Variants in SIPA1L3 observed in about 807,000 individuals in gnomAD.
SIPA1L3 encodes signal induced proliferation associated 1 like 3.
A neutral mutation model predicts 150.1 loss-of-function variants in SIPA1L3; 59 were observed. The ratio of observed to expected loss-of-function variants is 0.39; its 90% CI spans 0.32 to 0.49. SIPA1L3 has a LOEUF of 0.49. Among genes scored for constraint, SIPA1L3 ranks in the 20% least tolerant of loss-of-function variants. SIPA1L3 has a pLI of 0.86. For missense variants in SIPA1L3, 2,211 were observed against 2,489.5 expected (o/e 0.89, Z 2.38); for synonymous variants, 1,070 against 1,077.6 (o/e 0.99, Z 0.14).
At chr19:38,174,380 G>C (rs1972393971) in intron 15 of SIPA1L3, among the ~76,000 whole-genome samples, 1 of 152,150 alleles carries the variant, frequency 6.6e-6, no homozygotes, top group Non-Finnish European at 1.5e-5. Context: ...TTGGTCCAGG[G>C]TGAAGGCCAA....
In SIPA1L3 at chr19:37,983,131, C is replaced by T. The variant is rs371467485; in HGVS notation, c.-378-45958C>T. 1.6e-4 allele frequency among the ~76,000 whole-genome samples: 24 copies of T among 152,288 alleles called. No individual in the cohort carries two copies. In the East Asian group the frequency reaches 2.1e-3, roughly 13 times the overall value. On this transcript the variant is annotated intron_variant, in intron 1 of 21. Coordinates refer to ENST00000222345, the MANE Select transcript of SIPA1L3 (RefSeq NM_015073.3). ...GGCTGTGCAGTAGGTTTTAAAAACA[C>T]GTCTGAACAAATGAATAAATAAATG...
chr19:38,165,762 G>A (rs1203382812), intron 15 of SIPA1L3, among the ~76,000 whole-genome samples: 2 of 152,028 alleles, frequency 1.3e-5, no homozygotes, highest in Non-Finnish European at 2.9e-5. Flanking sequence ...GTGCATTGGT[G>A]TTTTTTTGTT....
At chr19:38,203,587 C>G (rs572981457) in intron 20 of SIPA1L3, 1 of 152,856 alleles carries the variant, frequency 6.5e-6, no homozygotes, top group South Asian at 2.1e-4. Context: ...CCTCCAAAGG[C>G]CACAGTGGGC....
chr19:38,204,607 G>A (rs1973167462), intron 21 of SIPA1L3, among the ~76,000 whole-genome samples: 1 of 152,012 alleles, frequency 6.6e-6, no homozygotes, highest in Non-Finnish European at 1.5e-5. Flanking sequence ...CTATTAAAAA[G>A]TACAATAATT....
intron 1 of SIPA1L3, among the ~76,000 whole-genome samples, chr19:37,909,687 T>C (rs970292030): frequency 6.6e-6 from 1 of 152,142 alleles, no homozygotes; most frequent in Non-Finnish European, 1.5e-5. Flanking sequence ...AAAGATCGGC[T>C]GAGTTGTTAA....
rs138460641 is a variant in SIPA1L3 at position 37,912,562 on chromosome 19, C to T, written c.-379+5204C>T. On this transcript the variant is annotated intron_variant, in intron 1 of 21. Transcript: ENST00000222345. ...CCACGCTGGAGTGCAGTGGCGTCATCATAGCTCACTGTAACCTTGAACTCC... is the reference window on the plus strand; with the variant it reads ...CCACGCTGGAGTGCAGTGGCGTCATTATAGCTCACTGTAACCTTGAACTCC... 2.2e-4 allele frequency among the ~76,000 whole-genome samples: 34 copies of T among 152,282 alleles called. No homozygotes were observed. In the East Asian group the frequency reaches 6.0e-3, roughly 27 times the overall value.
chr19:38,036,543 G>A (rs1276992248), intron 2 of SIPA1L3, among the ~76,000 whole-genome samples: 3 of 152,180 alleles, frequency 2.0e-5, no homozygotes, highest in Non-Finnish European at 4.4e-5. Flanking sequence ...CCCATTCCCC[G>A]CTTCTGTTCT....
At chr19:37,913,264 A>G (rs974522895) in intron 1 of SIPA1L3, among the ~76,000 whole-genome samples, 1 of 152,150 alleles carries the variant, frequency 6.6e-6, no homozygotes, top group Non-Finnish European at 1.5e-5. Flanking sequence ...TTGAGTTGAC[A>G]GATGTGTTGA....
chr19:38,206,024 C>A, intron 21 of SIPA1L3, 73 bp from the exon 22 acceptor site: 1 of 1,453,444 alleles, frequency 6.9e-7, no homozygotes. Context: ...GGCTCACAGG[C>A]CTCAGGGAGC....
chr19:37,938,331 C>T (rs1443334903), intron 1 of SIPA1L3, among the ~76,000 whole-genome samples: 1 of 152,154 alleles, frequency 6.6e-6, no homozygotes, highest in African/African-American at 2.4e-5. Flanking sequence ...CAGGTATGTA[C>T]TGGACATGAG....
intron 2 of SIPA1L3, among the ~76,000 whole-genome samples, chr19:38,066,596 C>CT (rs1969598979): frequency 6.6e-6 from 1 of 151,896 alleles, no homozygotes; most frequent in African/African-American, 2.4e-5. Flanking sequence ...GAGGCCAAGA[C>CT]GGGTGGATCA....
At chr19:37,946,014 G>A (rs905453910) in intron 1 of SIPA1L3, among the ~76,000 whole-genome samples, 1 of 152,096 alleles carries the variant, frequency 6.6e-6, no homozygotes, top group Non-Finnish European at 1.5e-5. Context: ...AATTAGCCTG[G>A]CGTGGTGGCA....
chr19:37,916,860 G>A (rs754508789), intron 1 of SIPA1L3, among the ~76,000 whole-genome samples: 7 of 151,846 alleles, frequency 4.6e-5, no homozygotes, highest in South Asian at 2.1e-4. Flanking sequence ...CTCGGGAGAC[G>A]GAGGCAGAGA....
At position 38,192,216 on chromosome 19, in the gene SIPA1L3, C is replaced by A; in HGVS notation, c.4502C>A (p.Ser1501Ter). 1 of 1,613,656 alleles carries A rather than the reference C, an allele frequency of 6.2e-7. No individual in the cohort carries two copies. Among genetic ancestry groups the A allele is most frequent in the South Asian group, 1.1e-5 (1 of 91,024 alleles). Reference protein sequence around the residue: ...RLRASLRDLRSPRKNYKSTIE... With the variant: ...RLRASLRDLR ...AGGGCATCCCTCCGAGACCTCCGGT[C>A]ACCACGGAAGAACTACAAATCCACC... Residue 1501 changes from serine (S) to a stop codon, truncating the protein, a stop_gained, in exon 17 of 22, where the codon TCA becomes TAA. Coordinates refer to ENST00000222345, the MANE Select transcript of SIPA1L3 (RefSeq NM_015073.3). LOFTEE classifies it high-confidence loss of function.
intron 1 of SIPA1L3, among the ~76,000 whole-genome samples, chr19:38,010,269 A>G (rs979378861): frequency 1.3e-5 from 2 of 152,058 alleles, no homozygotes; most frequent in African/African-American, 4.8e-5. Context: ...TGAGCTGGGC[A>G]TGTTGGCTCA....
chr19:38,194,361 A>C (rs1600198008), intron 18 of SIPA1L3, among the ~76,000 whole-genome samples: 1 of 137,198 alleles, frequency 7.3e-6, no homozygotes, highest in Non-Finnish European at 1.6e-5. Context: ...CCCCTTACCC[A>C]CCTCCTAACC....
At chr19:38,188,640 C>T (rs1049596133) in intron 16 of SIPA1L3, among the ~76,000 whole-genome samples, 6 of 152,020 alleles carry the variant, frequency 3.9e-5, no homozygotes, top group Middle Eastern at 3.4e-3. Context: ...GTAAGCCTCT[C>T]GGCCAGGCGC....
intron 12 of SIPA1L3, among the ~76,000 whole-genome samples, chr19:38,151,827 G>T (rs1971830157): frequency 6.6e-6 from 1 of 152,074 alleles, no homozygotes; most frequent in Non-Finnish European, 1.5e-5. Context: ...AGCCGGGCGT[G>T]TAACATGCAG....
At chr19:38,196,374 G>A (rs1972935362) in intron 18 of SIPA1L3, among the ~76,000 whole-genome samples, 1 of 151,904 alleles carries the variant, frequency 6.6e-6, no homozygotes, top group African/African-American at 2.4e-5. Flanking sequence ...GAGGCCAAGG[G>A]CGGAGCATGG....
Sources: allele counts gnomAD v4.1 joint callset (sites outside exome capture counted in the v4.1 genomes callset), GRCh38; gene constraint gnomAD v4.1.1; transcripts MANE v1.5; gene names NCBI Gene and HGNC (gene_info 2026-07-23, HGNC 2026-07-21).